Variants in HNF4G observed in about 807,000 individuals in gnomAD.
HNF4G encodes the protein hepatocyte nuclear factor 4 gamma.
Under a neutral mutation model 50.9 loss-of-function variants are expected in HNF4G, and 21 were observed. That is an observed-to-expected ratio of 0.41 (90% CI 0.29 to 0.59). The LOEUF (loss-of-function observed/expected upper bound fraction) is 0.59, where lower values mean the gene tolerates loss of function less well. HNF4G is among the 20% of genes least tolerant of loss of function. HNF4G has a pLI of 0.26. For missense variants in HNF4G, 527 were observed against 559.4 expected (o/e 0.94, Z 0.58); for synonymous variants, 198 against 185.6 (o/e 1.07, Z -0.54).
chr8:75,437,760 A>C lies in HNF4G; in HGVS notation c.-144+29598A>C, dbSNP rs1002661129. On this transcript the variant is annotated intron_variant, in intron 1 of 10. Coordinates refer to the HNF4G transcript ENST00000354370. The stretch of plus-strand genomic sequence containing the variant: ...AAATATAAAAACATGGACATAAAAA[A>C]TATAAACTCATTTTTATCATTAGAT... Among the ~76,000 whole-genome samples, 7 of 152,148 alleles carry C rather than the reference A, an allele frequency of 4.6e-5. No homozygotes were observed. In the South Asian group the frequency reaches 1.5e-3, roughly 32 times the overall value.
chr8:75,521,086 T>C (rs1336876992), intron 2 of HNF4G, among the ~76,000 whole-genome samples: 1 of 152,180 alleles, frequency 6.6e-6, no homozygotes, highest in Non-Finnish European at 1.5e-5. Flanking sequence ...GGATATATTT[T>C]ATACATGGAT....
intron 1 of HNF4G, among the ~76,000 whole-genome samples, chr8:75,457,032 T>C (rs994774384): frequency 7.9e-5 from 12 of 152,232 alleles, no homozygotes; most frequent in African/African-American, 2.9e-4. Context: ...TGTGAGCACC[T>C]GGCCTAAGAA....
intron 1 of HNF4G, among the ~76,000 whole-genome samples, chr8:75,486,972 C>T (rs1304464131): frequency 6.6e-6 from 1 of 152,108 alleles, no homozygotes; most frequent in Non-Finnish European, 1.5e-5. Context: ...ACCACTTGCA[C>T]TCCAGCATGT....
intron 8 of HNF4G, 86 bp downstream of exon 8, chr8:75,559,123 A>G (rs1807225031): frequency 1.1e-6 from 1 of 896,726 alleles, no homozygotes; most frequent in Non-Finnish European, 1.8e-6. Context: ...TCCATATTTA[A>G]TTCATCTACT....
At chr8:75,531,247 TTGA>T (rs1352138879) in intron 2 of HNF4G, among the ~76,000 whole-genome samples, 1 of 152,168 alleles carries the variant, frequency 6.6e-6, no homozygotes, top group Non-Finnish European at 1.5e-5. Context: ...GAATTCTCTC[TTGA>T]TGAAGAAATG....
At chr8:75,518,145 C>T (rs1432739722) in intron 2 of HNF4G, among the ~76,000 whole-genome samples, 6 of 125,362 alleles carry the variant, frequency 4.8e-5, no homozygotes, top group Non-Finnish European at 8.4e-5. Flanking sequence ...CCCCTCCCCC[C>T]ACCCCACAAC....
At chr8:75,416,112 A>C (rs1239092318) in intron 1 of HNF4G, among the ~76,000 whole-genome samples, 1 of 152,258 alleles carries the variant, frequency 6.6e-6, no homozygotes. Flanking sequence ...TAATTTGTTA[A>C]GACAAAAATA....
At chr8:75,511,516 C>A (rs1425867227) in intron 2 of HNF4G, among the ~76,000 whole-genome samples, 5 of 152,340 alleles carry the variant, frequency 3.3e-5, no homozygotes, top group African/African-American at 9.6e-5. Context: ...TGAATTAAAG[C>A]TGTAGATTAA....
intron 1 of HNF4G, among the ~76,000 whole-genome samples, chr8:75,421,010 T>C (rs2085770): frequency 6.6e-6 from 1 of 152,242 alleles, no homozygotes; most frequent in Non-Finnish European, 1.5e-5. Context: ...TGTGTACTTT[T>C]AGTTCTCTTA....
intron 1 of HNF4G, among the ~76,000 whole-genome samples, chr8:75,449,749 C>A (rs534524572): frequency 6.6e-6 from 1 of 151,786 alleles, no homozygotes; most frequent in Non-Finnish European, 1.5e-5. Context: ...CCTCGTGATC[C>A]GCCCCCCTTG....
chr8:75,523,431 A>G (rs540402992), intron 2 of HNF4G, among the ~76,000 whole-genome samples: 1 of 152,270 alleles, frequency 6.6e-6, no homozygotes, highest in East Asian at 1.9e-4. Flanking sequence ...CCTCCTTTTT[A>G]AGAAAATATT....
At chr8:75,529,130 CAAAAA>C in intron 2 of HNF4G, among the ~76,000 whole-genome samples, 1 of 148,964 alleles carries the variant, frequency 6.7e-6, no homozygotes, top group East Asian at 2.0e-4. Flanking sequence ...ACTAAAAATA[CAAAAA>C]AAAAAATTAG....
In HNF4G at chr8:75,563,310, C is replaced by A. The variant is rs562679910; in HGVS notation, c.1247-665C>A. 7.9e-5 allele frequency among the ~76,000 whole-genome samples: 12 copies of A among 152,024 alleles called. No homozygotes were observed. The South Asian group carries it at 2.5e-3, about 31-fold the overall frequency. On this transcript the variant is annotated intron_variant, in intron 9 of 9. Coordinates refer to ENST00000396423, the MANE Select transcript of HNF4G (RefSeq NM_004133.5). ...AGACAATGAAGTTTTGAAACTGTAA[C>A]TTTTTACATTCAATTCAATTTTTTA...
chr8:75,553,672 AAC>A (rs1807033516), intron 5 of HNF4G, among the ~76,000 whole-genome samples: 1 of 152,124 alleles, frequency 6.6e-6, no homozygotes, highest in Non-Finnish European at 1.5e-5. Context: ...TCATGCAATT[AAC>A]ATAAAGTTTT....
intron 1 of HNF4G, among the ~76,000 whole-genome samples, chr8:75,444,664 G>T (rs972944596): frequency 5.1e-5 from 6 of 118,604 alleles, no homozygotes; most frequent in Admixed American, 8.4e-5. Context: ...AACCAACAAA[G>T]ATCAAAAGAG....
intron 2 of HNF4G, among the ~76,000 whole-genome samples, chr8:75,504,270 CACACA>C (rs1813013403): frequency 2.4e-5 from 2 of 82,846 alleles, no homozygotes; most frequent in South Asian, 3.2e-4. Flanking sequence ...CACACACACA[CACACA>C]CCAAAAACAA....
chr8:75,513,764 T>C (rs1805815364), intron 2 of HNF4G, among the ~76,000 whole-genome samples: 1 of 151,834 alleles, frequency 6.6e-6, no homozygotes, highest in Non-Finnish European at 1.5e-5. Context: ...TTTTAATTTC[T>C]AATTCAATTC....
chr8:75,559,567 C>A (rs1807245977), intron 8 of HNF4G, among the ~76,000 whole-genome samples: 1 of 151,942 alleles, frequency 6.6e-6, no homozygotes, highest in African/African-American at 2.4e-5. Context: ...CCACTGCACC[C>A]AGCCTGAAAC....
At chr8:75,447,454 CT>C (rs1358260907) in intron 1 of HNF4G, among the ~76,000 whole-genome samples, 2 of 138,360 alleles carry the variant, frequency 1.4e-5, no homozygotes, top group African/African-American at 5.5e-5. Context: ...AACTAAAGAG[CT>C]TCTGCACAGC....
Sources: gnomAD v4.1 joint callset for allele counts (sites outside exome capture counted in the v4.1 genomes callset) on GRCh38, gnomAD v4.1.1 for gene constraint, MANE v1.5 for transcripts, NCBI Gene and HGNC (gene_info 2026-07-23, HGNC 2026-07-21) for gene names.